Variants in ACYP2 observed in about 807,000 individuals in gnomAD.
The protein encoded by ACYP2 is acylphosphatase-2.
A neutral mutation model predicts 11.2 loss-of-function variants in ACYP2; 12 were observed. That is an observed-to-expected ratio of 1.08 (90% CI 0.69 to 1.74). The LOEUF (loss-of-function observed/expected upper bound fraction) is 1.74, where lower values mean the gene tolerates loss of function less well. Among genes scored for constraint, ACYP2 ranks in the 40% most tolerant of loss-of-function variants. The probability of loss-of-function intolerance (pLI) is 0.00; values close to 1 mark genes in which losing one functional copy is unlikely to be tolerated. For missense variants in ACYP2, 134 were observed against 101.9 expected (o/e 1.31, Z -1.35); for synonymous variants, 43 against 32.2 (o/e 1.33, Z -1.13).
chr2:54,038,244 C>T (rs1297548033), intron 2 of ACYP2, among the ~76,000 whole-genome samples: 2 of 152,156 alleles, frequency 1.3e-5, no homozygotes, highest in Admixed American at 6.6e-5. Context: ...TAGACACCTC[C>T]TCATTCTCCA....
chr2:54,131,322 A>G (rs1240574399), intron 4 of ACYP2, among the ~76,000 whole-genome samples: 1 of 152,226 alleles, frequency 6.6e-6, no homozygotes, highest in East Asian at 1.9e-4. Context: ...CTCAAACCCC[A>G]TCACCATAGG....
intron 4 of ACYP2, among the ~76,000 whole-genome samples, chr2:54,058,341 C>G (rs949506533): frequency 5.9e-5 from 9 of 151,356 alleles, no homozygotes; most frequent in African/African-American, 2.2e-4. Flanking sequence ...TTCTCCCTCC[C>G]CTCAGCTGTG....
chr2:54,125,003 T>C (rs1173537591), intron 4 of ACYP2, among the ~76,000 whole-genome samples: 1 of 152,180 alleles, frequency 6.6e-6, no homozygotes, highest in Non-Finnish European at 1.5e-5. Context: ...TTCATCTGCC[T>C]TGTCTTCCCA....
rs1021526490 is a variant in ACYP2, at chr2:54,054,205, T to A, written c.156-3034T>A. Among the ~76,000 whole-genome samples the A allele has an allele frequency of 3.9e-5, 6 of 152,206 alleles. 1 individual carries two copies. The highest frequency in any genetic ancestry group is 1.5e-5 in the Non-Finnish European group (1 of 68,034). ...GACTTCTGCCTACAATGGAATAAGATAACTTATTCTGGGAACATTATTAGT... is the reference window on the plus strand; with the variant it reads ...GACTTCTGCCTACAATGGAATAAGAAAACTTATTCTGGGAACATTATTAGT... On this transcript the variant is annotated intron_variant, in intron 3 of 6. Transcript: ENST00000607452.
chr2:54,012,710 G>C (rs1051155495), intron 2 of ACYP2, among the ~76,000 whole-genome samples: 21 of 152,200 alleles, frequency 1.4e-4, no homozygotes, highest in Admixed American at 1.3e-3. Flanking sequence ...TCTGGCGCGG[G>C]TTGTTTCCCA....
At position 54,008,003 on chromosome 2, in the gene ACYP2, C is replaced by T. The variant is rs183005864; in HGVS notation, c.62+34193C>T. Among the ~76,000 whole-genome samples the T allele has an allele frequency of 3.7e-3, 560 of 152,286 alleles. 2 individuals carry two copies. The highest frequency in any genetic ancestry group is 0.031 in the Middle Eastern group (9 of 294). ...TAGCTCGGCCTATGCCCAGGAATGACCAGGGACACCTCAGAGGTTAGAAGC... is the reference window on the plus strand; with the variant it reads ...TAGCTCGGCCTATGCCCAGGAATGATCAGGGACACCTCAGAGGTTAGAAGC... On this transcript the variant is annotated intron_variant, in intron 2 of 6. Transcript: ENST00000607452.
intron 6 of ACYP2, among the ~76,000 whole-genome samples, chr2:54,286,319 G>A (rs1689075642): frequency 6.6e-6 from 1 of 152,012 alleles, no homozygotes; most frequent in African/African-American, 2.4e-5. Context: ...GAATATCAAT[G>A]CATATTGCTA....
intron 4 of ACYP2, among the ~76,000 whole-genome samples, chr2:54,093,429 A>G (rs755616531): frequency 6.6e-6 from 1 of 152,216 alleles, no homozygotes; most frequent in Non-Finnish European, 1.5e-5. Context: ...GTATGCAAAT[A>G]GTACTTTGAC....
In ACYP2 at chr2:54,304,417, G is replaced by A. The variant is rs1460865786; in HGVS notation, c.405-271G>A. Among the ~76,000 whole-genome samples the A allele has an allele frequency of 3.3e-5, 5 of 152,120 alleles. No homozygotes were observed. The East Asian group carries it at 9.6e-4, about 29-fold the overall frequency. Reference sequence around the variant, plus strand: ...TAACAGTGGCCTTGGAGTGTTTTAAGTTGGCGGGTGGGGGAGATAACCCTA... The same window carrying A: ...TAACAGTGGCCTTGGAGTGTTTTAAATTGGCGGGTGGGGGAGATAACCCTA... On this transcript the variant is annotated intron_variant, in intron 6 of 6. Transcript: ENST00000607452.
At chr2:54,260,021 G>GT in intron 6 of ACYP2, among the ~76,000 whole-genome samples, 1 of 152,278 alleles carries the variant, frequency 6.6e-6, no homozygotes, top group African/African-American at 2.4e-5. Flanking sequence ...AACTAATGAT[G>GT]TAAGAGACAG....
chr2:54,299,634 A>G (rs920582094), intron 6 of ACYP2, among the ~76,000 whole-genome samples: 1 of 151,798 alleles, frequency 6.6e-6, no homozygotes, highest in Non-Finnish European at 1.5e-5. Flanking sequence ...AAAACCTAAG[A>G]CCACAGCTCA....
At chr2:54,102,495 G>T (rs962774727) in intron 4 of ACYP2, among the ~76,000 whole-genome samples, 1 of 151,948 alleles carries the variant, frequency 6.6e-6, no homozygotes, top group African/African-American at 2.4e-5. Context: ...GGGAGGCATG[G>T]TTGCAAGGAG....
chr2:54,209,777 T>C (rs1685251701), intron 6 of ACYP2, among the ~76,000 whole-genome samples: 1 of 152,174 alleles, frequency 6.6e-6, no homozygotes, highest in Non-Finnish European at 1.5e-5. Flanking sequence ...TCCTGCCATG[T>C]TGAGCTTTGA....
chr2:53,987,668 C>T (rs1672100741), intron 2 of ACYP2, among the ~76,000 whole-genome samples: 1 of 152,142 alleles, frequency 6.6e-6, no homozygotes, highest in Admixed American at 6.6e-5. Flanking sequence ...TTATTTTAGC[C>T]TTTCTGATAA....
chr2:54,265,410 T>C (rs549714598), intron 6 of ACYP2, among the ~76,000 whole-genome samples: 2 of 152,230 alleles, frequency 1.3e-5, no homozygotes, highest in East Asian at 3.9e-4. Flanking sequence ...GATTCAGTGA[T>C]CTCCCACCAG....
intron 6 of ACYP2, among the ~76,000 whole-genome samples, chr2:54,257,243 C>G (rs900718096): frequency 6.6e-6 from 1 of 152,168 alleles, no homozygotes; most frequent in Non-Finnish European, 1.5e-5. Flanking sequence ...GGAATCTTAT[C>G]TCACCAAGAT....
chr2:54,276,789 C>T (rs1688612495), intron 6 of ACYP2, among the ~76,000 whole-genome samples: 1 of 152,108 alleles, frequency 6.6e-6, no homozygotes. Context: ...AGAATGAAAG[C>T]CATTCTTATT....
intron 6 of ACYP2, among the ~76,000 whole-genome samples, chr2:54,217,919 T>C (rs1685624653): frequency 6.6e-6 from 1 of 152,206 alleles, no homozygotes. Context: ...CAACTCTTTA[T>C]TTATCTTCCC....
intron 6 of ACYP2, among the ~76,000 whole-genome samples, chr2:54,265,732 C>T (rs1158455856): frequency 6.6e-6 from 1 of 152,204 alleles, no homozygotes; most frequent in Admixed American, 6.5e-5. Context: ...TCTCAAACTG[C>T]ACTTAGTTAC....
Sources: allele counts gnomAD v4.1 joint callset (sites outside exome capture counted in the v4.1 genomes callset), GRCh38; gene constraint gnomAD v4.1.1; transcripts MANE v1.5; gene names NCBI Gene and HGNC (gene_info 2026-07-23, HGNC 2026-07-21).